Variants in ERGIC2 observed in about 807,000 individuals in gnomAD.
The protein encoded by ERGIC2 is ERGIC and golgi 2.
ERGIC2 carries 31 observed loss-of-function variants against 52.5 expected under a neutral mutation model. The ratio of observed to expected loss-of-function variants is 0.59; its 90% CI spans 0.44 to 0.80. The LOEUF (loss-of-function observed/expected upper bound fraction) is 0.80, where lower values mean the gene tolerates loss of function less well. Ranked by LOEUF, ERGIC2 falls within the 30% of genes least tolerant of loss-of-function variation. The pLI is 0.00. For synonymous variants in ERGIC2, 129 were observed against 140.6 expected (o/e 0.92, Z 0.58); for missense variants, 395 against 455.2 (o/e 0.87, Z 1.20).
intron 11 of ERGIC2, 123 bp downstream of exon 11, chr12:29,345,320 T>C: frequency 1.5e-6 from 1 of 645,880 alleles, no homozygotes; most frequent in Non-Finnish European, 2.7e-6. Flanking sequence ...TTTCAAAACT[T>C]CCACAGATTT....
In ERGIC2 at chr12:29,368,939, A is replaced by G. The variant is rs966275106; in HGVS notation, c.216-652T>C. Among the ~76,000 whole-genome samples, 5 of 151,992 alleles carry G rather than the reference A, an allele frequency of 3.3e-5. No individual in the cohort carries two copies. The East Asian group carries it at 9.6e-4, about 29-fold the overall frequency. ...AATTTTTCATGGCCTTTCATTTTCA[A>G]ATGATTAGATCAAAGCAATTTTCGA... is the stretch of plus-strand genomic sequence containing the variant. On this transcript the variant is annotated intron_variant, in intron 3 of 13. Transcript: ENST00000360150.
chr12:29,368,707 T>A (rs548039907), intron 3 of ERGIC2, among the ~76,000 whole-genome samples: 206 of 152,080 alleles, frequency 1.4e-3, no homozygotes, highest in Non-Finnish European at 2.2e-3. Flanking sequence ...ATGCTAGATG[T>A]TCTACAAATA....
At chr12:29,369,669 G>T (rs1250517264) in intron 3 of ERGIC2, among the ~76,000 whole-genome samples, 4 of 151,732 alleles carry the variant, frequency 2.6e-5, no homozygotes, top group Non-Finnish European at 5.9e-5. Flanking sequence ...TATAATTAAG[G>T]TACTATATTT....
chr12:29,356,084 C>T (rs1302059591), intron 8 of ERGIC2, among the ~76,000 whole-genome samples: 3 of 151,810 alleles, frequency 2.0e-5, no homozygotes, highest in East Asian at 1.9e-4. Context: ...TGCAGTGGCG[C>T]GATCTCGGCT....
rs147866077 is a variant in ERGIC2, at chr12:29,346,834, C to T, written c.728-1294G>A. ...CATAATATAAAACATGTTAATTCTCCGGGTCTAGAGAATTCTCTAGAAAAA... is the reference window on the plus strand; with the variant it reads ...CATAATATAAAACATGTTAATTCTCTGGGTCTAGAGAATTCTCTAGAAAAA... On this transcript the variant is annotated intron_variant, in intron 10 of 13. Coordinates refer to ENST00000360150, the MANE Select transcript of ERGIC2 (RefSeq NM_016570.3). 4.1e-3 allele frequency among the ~76,000 whole-genome samples: 629 copies of T among 152,138 alleles called. 4 individuals carry two copies. Among genetic ancestry groups the T allele is most frequent in the Non-Finnish European group, 7.0e-3 (476 of 67,996 alleles).
At chr12:29,357,940 C>T (rs1428220950) in intron 6 of ERGIC2, among the ~76,000 whole-genome samples, 4 of 152,156 alleles carry the variant, frequency 2.6e-5, no homozygotes, top group Non-Finnish European at 5.9e-5. Context: ...GCTCCATAAG[C>T]TTGTTTGATT....
chr12:29,374,336 T>A (rs2136882111), intron 1 of ERGIC2, among the ~76,000 whole-genome samples: 2 of 152,266 alleles, frequency 1.3e-5, no homozygotes, highest in Admixed American at 1.3e-4. Context: ...CATCCCCAAT[T>A]TTCATTCTAC....
At chr12:29,369,187 T>C (rs1478455357) in intron 3 of ERGIC2, among the ~76,000 whole-genome samples, 1 of 151,938 alleles carries the variant, frequency 6.6e-6, no homozygotes, top group Non-Finnish European at 1.5e-5. Context: ...GTAGGCCAAG[T>C]AGACAAACTT....
At position 29,366,862 on chromosome 12, in the gene ERGIC2, G is replaced by A; in HGVS notation, c.333+15C>T. On this transcript the variant is annotated intron_variant, in intron 5 of 13. Transcript: ENST00000360150. ...CAACCCGTGTATTTCAAAAAACCAT[G>A]TGAATCAAACTTACTGGTTCATAAA... 1 of 1,560,500 alleles carries A rather than the reference G, an allele frequency of 6.4e-7. No homozygotes were observed.
intron 5 of ERGIC2, among the ~76,000 whole-genome samples, chr12:29,365,790 G>A (rs1159966846): frequency 1.3e-5 from 2 of 151,808 alleles, no homozygotes; most frequent in African/African-American, 4.8e-5. Context: ...AGATAATAGT[G>A]TAATATGCTG....
intron 8 of ERGIC2, among the ~76,000 whole-genome samples, chr12:29,350,315 CAA>C (rs1313541412): frequency 1.3e-5 from 2 of 152,012 alleles, no homozygotes; most frequent in Non-Finnish European, 2.9e-5. Context: ...GACCATGATG[CAA>C]AATCAAGTAT....
rs778679386 is a variant in ERGIC2, at chr12:29,357,730, T to G, written c.375-6A>C. 1.3e-6 allele frequency: 2 copies of G among 1,518,738 alleles called. No homozygotes were observed. The highest frequency in any genetic ancestry group is 2.7e-5 in the African/African-American group (2 of 73,062). The allele number at this position is 1,518,738 out of a possible 1,614,324, so 94.1% of individuals were successfully genotyped here. A position where few individuals can be genotyped will look rare whatever the true frequency, so the allele number is the denominator to read the frequency against. The stretch of plus-strand genomic sequence containing the variant: ...TCTGAATCAGCTGCAGCATCCTAAA[T>G]AAGAAGCAATAATTTAGAACTACAG... On this transcript the variant is annotated splice_region_variant and splice_polypyrimidine_tract_variant and intron_variant, in intron 6 of 13. Transcript: ENST00000360150.
At chr12:29,375,293 G>C (rs765164970) in intron 1 of ERGIC2, among the ~76,000 whole-genome samples, 18 of 152,190 alleles carry the variant, frequency 1.2e-4, no homozygotes, top group Non-Finnish European at 2.1e-4. Context: ...TCCTCCACCG[G>C]ATTGTTAGAG....
rs983485799 is a variant in ERGIC2 at position 29,370,106 on chromosome 12, A to G, written c.215+8T>C. ...TAAAGGTATTCCAAGAAGAAAAAAA[A>G]TGATTACCTAGAAAAATCCTTGTCT... is the stretch of plus-strand genomic sequence containing the variant. On this transcript the variant is annotated splice_region_variant and intron_variant, in intron 3 of 13. Transcript: ENST00000360150. The G allele has an allele frequency of 6.7e-7, 1 of 1,495,368 alleles. No homozygotes were observed. 92.6% of individuals were successfully genotyped at this position (1,495,368 alleles called of 1,614,324 possible).
At chr12:29,348,827 A>G (rs892682745) in intron 10 of ERGIC2, among the ~76,000 whole-genome samples, 2 of 151,928 alleles carry the variant, frequency 1.3e-5, no homozygotes, top group Non-Finnish European at 2.9e-5. Flanking sequence ...TACTGTTTAA[A>G]TTGAACTCCT....
chr12:29,378,916 A>C (rs1940550128), intron 1 of ERGIC2, among the ~76,000 whole-genome samples: 1 of 152,198 alleles, frequency 6.6e-6, no homozygotes, highest in African/African-American at 2.4e-5. Context: ...TTAAGATAAA[A>C]ATGAGGCATG....
At chr12:29,363,997 A>G (rs1158512371) in intron 5 of ERGIC2, among the ~76,000 whole-genome samples, 1 of 152,160 alleles carries the variant, frequency 6.6e-6, no homozygotes, top group Non-Finnish European at 1.5e-5. Context: ...AACCTTTATT[A>G]TCATCTTAAA....
intron 1 of ERGIC2, among the ~76,000 whole-genome samples, chr12:29,376,409 C>T (rs1034507367): frequency 1.3e-5 from 2 of 152,106 alleles, no homozygotes; most frequent in Non-Finnish European, 2.9e-5. Flanking sequence ...TTCTCCCCCA[C>T]TCCATTATCA....
intron 4 of ERGIC2, 41 bp from the exon 5 acceptor site, chr12:29,366,988 T>A: frequency 7.6e-7 from 1 of 1,319,344 alleles, no homozygotes; most frequent in Non-Finnish European, 1.1e-6. Context: ...ATTCTATGCT[T>A]GGAGGCAAAC....
Sources: gnomAD v4.1 joint callset for allele counts (sites outside exome capture counted in the v4.1 genomes callset) on GRCh38, gnomAD v4.1.1 for gene constraint, MANE v1.5 for transcripts, NCBI Gene and HGNC (gene_info 2026-07-23, HGNC 2026-07-21) for gene names.